The following HDAC9 variants were observed in gnomAD, a reference collection of about 807,000 sequenced individuals.
The protein encoded by HDAC9 is MEF-2 interacting transcription repressor (MITR) protein.
In HDAC9, 41 loss-of-function variants were observed where a neutral mutation model predicts 139.4. That is an observed-to-expected ratio of 0.29 (90% CI 0.23 to 0.38). The LOEUF is 0.38. HDAC9 is among the 10% of genes least tolerant of loss of function. The pLI is 1.00. For synonymous variants in HDAC9, 517 were observed against 476.2 expected (o/e 1.09, Z -1.12); for missense variants, 1,147 against 1,297.0 (o/e 0.88, Z 1.78).
At chr7:18,233,626 T>C (rs1793620245) in intron 2 of HDAC9, among the ~76,000 whole-genome samples, 1 of 152,178 alleles carries the variant, frequency 6.6e-6, no homozygotes, top group Non-Finnish European at 1.5e-5. Context: ...AGGACTTTTG[T>C]GACTAAAGTA....
intron 1 of HDAC9, among the ~76,000 whole-genome samples, chr7:18,119,471 T>G (rs1001767247): frequency 2.0e-5 from 3 of 152,190 alleles, no homozygotes; most frequent in Non-Finnish European, 1.5e-5. Flanking sequence ...GCTACCAGTT[T>G]CTTACCACCA....
intron 22 of HDAC9, chr7:18,899,386 C>CT (rs1002953705): frequency 6.6e-6 from 1 of 151,660 alleles, no homozygotes; most frequent in Non-Finnish European, 1.5e-5. Flanking sequence ...TTGATGTCTT[C>CT]TTTTTTATTA....
chr7:18,946,867 T>C (rs1404970669), intron 23 of HDAC9, among the ~76,000 whole-genome samples: 2 of 152,070 alleles, frequency 1.3e-5, no homozygotes, highest in Non-Finnish European at 2.9e-5. Flanking sequence ...TATCATTCTT[T>C]TCAAGGACAT....
chr7:18,534,402 C>A (rs1299303346), intron 2 of HDAC9, among the ~76,000 whole-genome samples: 4 of 152,012 alleles, frequency 2.6e-5, no homozygotes, highest in Admixed American at 6.6e-5. Flanking sequence ...AACAAATTAG[C>A]CAGGCATGGC....
intron 17 of HDAC9, among the ~76,000 whole-genome samples, chr7:18,806,327 A>G (rs1234679772): frequency 1.3e-5 from 2 of 152,208 alleles, no homozygotes; most frequent in African/African-American, 4.8e-5. Context: ...CCAAATCAAG[A>G]TGTCAGCAGG....
chr7:18,769,853 T>G (rs577228728), intron 16 of HDAC9, among the ~76,000 whole-genome samples: 5 of 152,132 alleles, frequency 3.3e-5, no homozygotes, highest in Non-Finnish European at 5.9e-5. Flanking sequence ...ATTTTGGAAA[T>G]TACCGAAATG....
intron 23 of HDAC9, among the ~76,000 whole-genome samples, chr7:18,945,987 A>G (rs1025053725): frequency 7.6e-6 from 1 of 131,086 alleles, no homozygotes; most frequent in African/African-American, 2.9e-5. Flanking sequence ...CATTGAGCCG[A>G]GATAGCACCA....
At chr7:18,170,095 A>G (rs913272462) in intron 2 of HDAC9, among the ~76,000 whole-genome samples, 7 of 152,104 alleles carry the variant, frequency 4.6e-5, no homozygotes, top group African/African-American at 7.2e-5. Context: ...AAGTGTTCCT[A>G]TTTCTCCACA....
chr7:18,368,954 C>T (rs1784390857), intron 1 of HDAC9, among the ~76,000 whole-genome samples: 1 of 152,014 alleles, frequency 6.6e-6, no homozygotes, highest in Admixed American at 6.6e-5. Flanking sequence ...ACTTGTATTC[C>T]ATCTGCTATT....
At chr7:18,840,969 A>G (rs920877403) in intron 21 of HDAC9, among the ~76,000 whole-genome samples, 2 of 152,076 alleles carry the variant, frequency 1.3e-5, no homozygotes, top group Non-Finnish European at 2.9e-5. Flanking sequence ...AAAACCTTTT[A>G]TTGTCATATC....
At chr7:18,473,358 ATTCT>A (rs1413877566) in intron 1 of HDAC9, among the ~76,000 whole-genome samples, 1 of 152,200 alleles carries the variant, frequency 6.6e-6, no homozygotes, top group Non-Finnish European at 1.5e-5. Flanking sequence ...CTTGTTTTCG[ATTCT>A]TTCTTTTATG....
At chr7:18,265,222 T>C (rs1270162543) in intron 2 of HDAC9, among the ~76,000 whole-genome samples, 2 of 152,218 alleles carry the variant, frequency 1.3e-5, no homozygotes, top group African/African-American at 4.8e-5. Flanking sequence ...CAAATCAATA[T>C]TGAGTGTTTC....
At chr7:18,873,613 C>T (rs1361487816) in intron 21 of HDAC9, among the ~76,000 whole-genome samples, 1 of 152,164 alleles carries the variant, frequency 6.6e-6, no homozygotes, top group South Asian at 2.1e-4. Context: ...CTCACAACCA[C>T]ACAAGAGTGA....
chr7:18,916,620 T>C lies in HDAC9; in HGVS notation c.2804-19189T>C, dbSNP rs1192531730. ...TATTATGTGGCTAATGAGATAGATATAGAAGCTATTGAGCTTCAGAGAGAA... is the reference window on the plus strand; with the variant it reads ...TATTATGTGGCTAATGAGATAGATACAGAAGCTATTGAGCTTCAGAGAGAA... On this transcript the variant is annotated intron_variant, in intron 22 of 25. Coordinates refer to ENST00000686413, the MANE Select transcript of HDAC9 (RefSeq NM_178425.4). Among the ~76,000 whole-genome samples, 5 of 152,120 alleles carry C rather than the reference T, an allele frequency of 3.3e-5. No individual in the cohort carries two copies. In the East Asian group the frequency reaches 7.8e-4, roughly 24 times the overall value.
At chr7:18,262,378 T>C (rs1368987719) in intron 2 of HDAC9, among the ~76,000 whole-genome samples, 2 of 152,182 alleles carry the variant, frequency 1.3e-5, no homozygotes, top group Non-Finnish European at 2.9e-5. Flanking sequence ...AAAAGTTCTA[T>C]CTGTAGAAAA....
At chr7:18,956,084 T>A (rs886290079) in intron 24 of HDAC9, among the ~76,000 whole-genome samples, 2 of 152,108 alleles carry the variant, frequency 1.3e-5, no homozygotes, top group African/African-American at 4.8e-5. Context: ...CCTGTTTGAC[T>A]CTTGAAAAAG....
chr7:18,748,105 C>T (rs773309294), intron 13 of HDAC9, among the ~76,000 whole-genome samples: 1 of 152,070 alleles, frequency 6.6e-6, no homozygotes, highest in Non-Finnish European at 1.5e-5. Flanking sequence ...AACATGTTTC[C>T]ACCTCAAGGA....
intron 22 of HDAC9, among the ~76,000 whole-genome samples, chr7:18,897,404 T>C (rs936982922): frequency 1.3e-5 from 2 of 151,960 alleles, no homozygotes; most frequent in Non-Finnish European, 2.9e-5. Context: ...ACTTTTTCCT[T>C]TGTTTTCTTA....
At chr7:18,647,560 A>T (rs577323071) in intron 9 of HDAC9, among the ~76,000 whole-genome samples, 1 of 152,314 alleles carries the variant, frequency 6.6e-6, no homozygotes, top group South Asian at 2.1e-4. Flanking sequence ...TTTATGTTCA[A>T]TACAATGACA....
Sources: gnomAD v4.1 joint callset for allele counts (sites outside exome capture counted in the v4.1 genomes callset) on GRCh38, gnomAD v4.1.1 for gene constraint, MANE v1.5 for transcripts, NCBI Gene and HGNC (gene_info 2026-07-23, HGNC 2026-07-21) for gene names.